STON2: variants seen among roughly 807,000 people sequenced by gnomAD.
STON2 encodes stonin 2.
A neutral mutation model predicts 65.7 loss-of-function variants in STON2; 29 were observed. The ratio of observed to expected loss-of-function variants is 0.44; its 90% confidence interval spans 0.33 to 0.60. The LOEUF (loss-of-function observed/expected upper bound fraction) is 0.60. Among genes scored for constraint, STON2 ranks in the 20% least tolerant of loss-of-function variants. The pLI is 0.03. For synonymous variants in STON2, 404 were observed against 414.2 expected (o/e 0.98, Z 0.30); for missense variants, 1,054 against 1,118.1 (o/e 0.94, Z 0.82).
chr14:81,265,074 C>G lies in STON2; in HGVS notation c.*3340G>C, dbSNP rs908552249. On this transcript the variant is annotated 3_prime_UTR_variant, in exon 8 of 8. Coordinates refer to ENST00000614646, the MANE Select transcript of STON2 (RefSeq NM_001394390.1). Reference sequence around the variant, plus strand: ...TATTGATAACAAAGATTATTTGTGACCACAAAAAAAAAAAATAAAAAGTCC... The same window carrying G: ...TATTGATAACAAAGATTATTTGTGAGCACAAAAAAAAAAAATAAAAAGTCC... 3.1e-6 allele frequency: 3 copies of G among 981,096 alleles called. No homozygotes were observed. Among genetic ancestry groups the G allele is most frequent in the Admixed American group, 6.2e-5 (1 of 16,120 alleles). 60.8% of individuals were successfully genotyped at this position (981,096 alleles called of 1,614,324 possible).
intron 2 of STON2, among the ~76,000 whole-genome samples, chr14:81,397,264 G>A (rs1253844011): frequency 2.0e-5 from 3 of 152,016 alleles, no homozygotes; most frequent in African/African-American, 4.8e-5. Flanking sequence ...TCTACAGCAC[G>A]TCAAACAGAA....
intron 2 of STON2, among the ~76,000 whole-genome samples, chr14:81,409,969 T>C (rs1175825743): frequency 1.3e-5 from 2 of 152,212 alleles, no homozygotes; most frequent in Non-Finnish European, 2.9e-5. Flanking sequence ...TAAAATATAG[T>C]TCTAAAAAGT....
chr14:81,305,851 T>C (rs373374991), intron 5 of STON2, among the ~76,000 whole-genome samples: 2 of 152,062 alleles, frequency 1.3e-5, no homozygotes, highest in African/African-American at 2.4e-5. Flanking sequence ...TGTAGTCACA[T>C]GCTAACCCAA....
At position 81,370,978 on chromosome 14, in the gene STON2, T is replaced by A. The variant is rs776515844; in HGVS notation, c.571+10A>T. On this transcript the variant is annotated intron_variant, in intron 4 of 7. Transcript: ENST00000614646. ...TTTGCAAAGCCCTCTGGCTTAGAGC[T>A]CCATCTTACCAGTTGAGTCAGCCCC... 6 of 1,611,380 alleles carry A rather than the reference T, an allele frequency of 3.7e-6. No homozygotes were observed. In the South Asian group the frequency reaches 6.6e-5, roughly 18 times the overall value.
chr14:81,379,021 A>G (rs1899388233), intron 3 of STON2, among the ~76,000 whole-genome samples: 2 of 152,186 alleles, frequency 1.3e-5, no homozygotes, highest in Non-Finnish European at 2.9e-5. Flanking sequence ...GTTCAACATC[A>G]TATTTATGAT....
intron 5 of STON2, among the ~76,000 whole-genome samples, chr14:81,279,923 T>C (rs943263410): frequency 4.6e-5 from 7 of 152,176 alleles, no homozygotes; most frequent in African/African-American, 1.7e-4. Flanking sequence ...TGAACCAAGT[T>C]TGAAGAACAG....
At position 81,263,972 on chromosome 14, in the gene STON2, T is replaced by A. The variant is rs1235164855; in HGVS notation, c.*4442A>T. On this transcript the variant is annotated 3_prime_UTR_variant, in exon 8 of 8. Transcript: ENST00000614646. ...CCTCCATCTTACTGTGGTGACAAAA[T>A]AAATGCAAAGTAACGGTCAGCGGTT... is the stretch of plus-strand genomic sequence containing the variant. 5.1e-6 allele frequency: 5 copies of A among 985,424 alleles called. No homozygotes were observed. The highest frequency in any genetic ancestry group is 6.0e-6 in the Non-Finnish European group (5 of 829,926). 61.0% of individuals were successfully genotyped at this position (985,424 alleles called of 1,614,324 possible). A position where few individuals can be genotyped will look rare whatever the true frequency, so the allele number is the denominator to read the frequency against.
intron 2 of STON2, among the ~76,000 whole-genome samples, chr14:81,407,153 G>A (rs1378367614): frequency 6.6e-6 from 1 of 152,158 alleles, no homozygotes; most frequent in East Asian, 1.9e-4. Context: ...GCTGTTTTGT[G>A]GTTGTTCGCT....
intron 4 of STON2, among the ~76,000 whole-genome samples, chr14:81,349,242 A>AT (rs1897933735): frequency 6.6e-6 from 1 of 152,178 alleles, no homozygotes; most frequent in African/African-American, 2.4e-5. Context: ...GACAAATGGG[A>AT]CTATGTCAAA....
intron 3 of STON2, among the ~76,000 whole-genome samples, chr14:81,372,124 T>C (rs1196436244): frequency 6.6e-6 from 1 of 152,208 alleles, no homozygotes; most frequent in Non-Finnish European, 1.5e-5. Context: ...TCCTTAGTCT[T>C]GAGAACCAAA....
At chr14:81,313,122 C>T (rs74692775) in intron 5 of STON2, among the ~76,000 whole-genome samples, 8,922 of 152,262 alleles carry the variant, frequency 0.059, 410 homozygotes, top group Middle Eastern at 0.092. Flanking sequence ...AGGGCCTGGC[C>T]TCATTCCGTG....
At chr14:81,410,617 T>C (rs1392107092) in intron 2 of STON2, among the ~76,000 whole-genome samples, 1 of 152,182 alleles carries the variant, frequency 6.6e-6, no homozygotes, top group Non-Finnish European at 1.5e-5. Flanking sequence ...TTTCTGCCCA[T>C]GGTACCCTGA....
intron 3 of STON2, among the ~76,000 whole-genome samples, chr14:81,394,434 G>A (rs1246233640): frequency 6.6e-6 from 1 of 152,102 alleles, no homozygotes; most frequent in Non-Finnish European, 1.5e-5. Flanking sequence ...CTCTGTGGTA[G>A]ACAGAATGCC....
chr14:81,355,404 T>C (rs1187350145), intron 4 of STON2, among the ~76,000 whole-genome samples: 1 of 151,576 alleles, frequency 6.6e-6, no homozygotes, highest in Non-Finnish European at 1.5e-5. Context: ...AGATAAGAAA[T>C]ACATCACATA....
chr14:81,289,210 C>A (rs991453519), intron 5 of STON2, among the ~76,000 whole-genome samples: 2 of 152,140 alleles, frequency 1.3e-5, no homozygotes, highest in Non-Finnish European at 2.9e-5. Context: ...TGGGACTGAA[C>A]CCTGATGTTA....
Position 81,263,855 on chromosome 14 carries a change from TTC to T in STON2, c.*4557_*4558del, listed in dbSNP as rs1894256520. The T allele has an allele frequency of 1.0e-6, 1 of 985,354 alleles. No individual in the cohort carries two copies. Among genetic ancestry groups the T allele is most frequent in the African/African-American group, 1.7e-5 (1 of 57,258 alleles). The allele number at this position is 985,354 out of a possible 1,614,324, so 61.0% of individuals were successfully genotyped here. A position where few individuals can be genotyped will look rare whatever the true frequency, so the allele number is the denominator to read the frequency against. On this transcript the variant is annotated 3_prime_UTR_variant, in exon 8 of 8. Coordinates refer to ENST00000614646, the MANE Select transcript of STON2 (RefSeq NM_001394390.1). Reference sequence around the variant, plus strand: ...GCTTTTAAGAAAAAACTTCAGCTCATTCTGTTTTCCCACCACTAAACTTATGG... The same window carrying T: ...GCTTTTAAGAAAAAACTTCAGCTCATTGTTTTCCCACCACTAAACTTATGG...
In STON2 at chr14:81,266,537, TG is replaced by T; in HGVS notation, c.*1876del. 2.6e-6 allele frequency: 1 copy of T among 380,648 alleles called. No individual in the cohort carries two copies. The highest frequency in any genetic ancestry group is 3.6e-6 in the Non-Finnish European group (1 of 277,162). The allele number at this position is 380,648 out of a possible 1,614,324, so 23.6% of individuals were successfully genotyped here. A position where few individuals can be genotyped will look rare whatever the true frequency, so the allele number is the denominator to read the frequency against. On this transcript the variant is annotated 3_prime_UTR_variant, in exon 8 of 8. Coordinates refer to ENST00000614646, the MANE Select transcript of STON2 (RefSeq NM_001394390.1). ...TGCATCATCAGACCCTTTACAACCC[TG>T]GTCACCTCCCTATGGACACAATCAA...
chr14:81,270,371 C>T, intron 7 of STON2: 1 of 1,350,954 alleles, frequency 7.4e-7, no homozygotes, highest in Non-Finnish European at 9.5e-7. Context: ...AGGTGTGAGC[C>T]ACTGTGCCTG....
chr14:81,322,079 G>C (rs28368780), intron 5 of STON2, among the ~76,000 whole-genome samples: 1 of 152,186 alleles, frequency 6.6e-6, no homozygotes, highest in South Asian at 2.1e-4. Context: ...AAAACCTGTC[G>C]TGTTTGCTGG....
Sources: gnomAD v4.1 joint callset for allele counts (sites outside exome capture counted in the v4.1 genomes callset) on GRCh38, gnomAD v4.1.1 for gene constraint, MANE v1.5 for transcripts, NCBI Gene and HGNC (gene_info 2026-07-23, HGNC 2026-07-21) for gene names.